Variants in SKAP1 observed in about 807,000 individuals in gnomAD.
SKAP1 encodes the protein src kinase-associated phosphoprotein 1.
In SKAP1, 44 loss-of-function variants were observed where a neutral mutation model predicts 58.5. That is an observed-to-expected ratio of 0.75 (90% CI 0.59 to 0.97). The LOEUF is 0.97. SKAP1 is among the 50% of genes least tolerant of loss of function. SKAP1 has a pLI of 0.00. For missense variants in SKAP1, 390 were observed against 435.2 expected, an observed-to-expected ratio of 0.90 and a Z score of 0.92; for synonymous variants, 127 against 149.7, an observed-to-expected ratio of 0.85 and a Z score of 1.11.
At chr17:48,410,848 A>G (rs1322655209) in intron 1 of SKAP1, among the ~76,000 whole-genome samples, 2 of 144,748 alleles carry the variant, frequency 1.4e-5, no homozygotes, top group Non-Finnish European at 3.0e-5. Context: ...AATCGCTTGA[A>G]CCCAGGAGGT....
intron 4 of SKAP1, among the ~76,000 whole-genome samples, chr17:48,265,972 G>C (rs905982320): frequency 6.6e-5 from 10 of 152,108 alleles, no homozygotes; most frequent in African/African-American, 1.9e-4. Flanking sequence ...AAAAATGACT[G>C]CTTGCTGTTT....
At chr17:48,367,046 C>T (rs773622926) in intron 2 of SKAP1, among the ~76,000 whole-genome samples, 2 of 152,156 alleles carry the variant, frequency 1.3e-5, no homozygotes, top group Non-Finnish European at 2.9e-5. Flanking sequence ...GTCTCCCTGT[C>T]CCATGATGCC....
intron 4 of SKAP1, among the ~76,000 whole-genome samples, chr17:48,199,290 T>C (rs1214286663): frequency 1.3e-5 from 2 of 152,176 alleles, no homozygotes; most frequent in Non-Finnish European, 2.9e-5. Flanking sequence ...CTCTCCAGCA[T>C]ACAAAGATTT....
intron 4 of SKAP1, among the ~76,000 whole-genome samples, chr17:48,265,501 AAAGCAAGCAAGC>A (rs201049578): frequency 3.4e-5 from 5 of 148,324 alleles, no homozygotes; most frequent in Admixed American, 6.7e-5. Context: ...AAAAAAAAAA[AAAGCAAGCAAGC>A]AAGCAAGCAA....
intron 4 of SKAP1, among the ~76,000 whole-genome samples, chr17:48,310,941 T>C (rs1324598371): frequency 6.6e-6 from 1 of 152,200 alleles, no homozygotes; most frequent in Non-Finnish European, 1.5e-5. Context: ...AATAACTGTG[T>C]TGCCATCTCA....
At chr17:48,321,220 C>T (rs1374935368) in intron 4 of SKAP1, among the ~76,000 whole-genome samples, 1 of 152,062 alleles carries the variant, frequency 6.6e-6, no homozygotes, top group Non-Finnish European at 1.5e-5. Context: ...TGGGCCAATT[C>T]CCTACCTCTC....
intron 4 of SKAP1, among the ~76,000 whole-genome samples, chr17:48,245,087 A>G (rs1157197041): frequency 6.6e-6 from 1 of 152,222 alleles, no homozygotes; most frequent in Non-Finnish European, 1.5e-5. Context: ...CCTGGGGAAC[A>G]GTTTTACACT....
intron 11 of SKAP1, among the ~76,000 whole-genome samples, chr17:48,148,316 C>G (rs1215907861): frequency 6.6e-6 from 1 of 152,082 alleles, no homozygotes; most frequent in East Asian, 1.9e-4. Flanking sequence ...AAGAAGCACA[C>G]AACTTTACCT....
chr17:48,370,426 C>A (rs1222224397), intron 2 of SKAP1, among the ~76,000 whole-genome samples: 1 of 152,134 alleles, frequency 6.6e-6, no homozygotes, highest in Admixed American at 6.5e-5. Flanking sequence ...CCCACCTCAG[C>A]CTCCCAGTAG....
intron 11 of SKAP1, among the ~76,000 whole-genome samples, chr17:48,161,402 G>T (rs573479297): frequency 1.3e-5 from 2 of 152,278 alleles, no homozygotes; most frequent in South Asian, 2.1e-4. Flanking sequence ...CATAGAGAGA[G>T]GACTTTTTAA....
chr17:48,211,355 A>G (rs776030279), intron 4 of SKAP1, among the ~76,000 whole-genome samples: 1 of 152,154 alleles, frequency 6.6e-6, no homozygotes, highest in Non-Finnish European at 1.5e-5. Flanking sequence ...GAATTTCTTA[A>G]TATCAAAATG....
chr17:48,231,902 C>T (rs1424576433), intron 4 of SKAP1: 4 of 152,122 alleles, frequency 2.6e-5, no homozygotes, highest in Non-Finnish European at 4.4e-5. Flanking sequence ...TCTCAAAATA[C>T]CTATGTAAAA....
At chr17:48,304,063 C>T (rs2066101664) in intron 4 of SKAP1, among the ~76,000 whole-genome samples, 1 of 152,094 alleles carries the variant, frequency 6.6e-6, no homozygotes, top group East Asian at 1.9e-4. Context: ...GTTTTAAATT[C>T]ACAATCAGCT....
intron 4 of SKAP1, among the ~76,000 whole-genome samples, chr17:48,267,180 ATGAACACTAGT>A (rs1357737849): frequency 6.6e-6 from 1 of 152,242 alleles, no homozygotes; most frequent in African/African-American, 2.4e-5. Flanking sequence ...CTTTTGAATT[ATGAACACTAGT>A]AAGCCTTTTT....
chr17:48,190,403 C>A (rs116944299), intron 4 of SKAP1, among the ~76,000 whole-genome samples: 21,237 of 152,090 alleles, frequency 0.14, 2,049 homozygotes, highest in Non-Finnish European at 0.2. Flanking sequence ...TGAGCCACTG[C>A]GCCCAGCCAA....
chr17:48,365,369 C>A (rs1476577843), intron 2 of SKAP1, among the ~76,000 whole-genome samples: 2 of 152,154 alleles, frequency 1.3e-5, no homozygotes, highest in African/African-American at 4.8e-5. Context: ...GATGGTTACC[C>A]AAGAAAGGCT....
intron 4 of SKAP1, among the ~76,000 whole-genome samples, chr17:48,246,355 C>T (rs2065296795): frequency 6.6e-6 from 1 of 152,188 alleles, no homozygotes; most frequent in Non-Finnish European, 1.5e-5. Flanking sequence ...TTCCTGAACA[C>T]ATTCTACATT....
chr17:48,408,751 T>C (rs1251560750), intron 1 of SKAP1, among the ~76,000 whole-genome samples: 1 of 152,142 alleles, frequency 6.6e-6, no homozygotes, highest in Non-Finnish European at 1.5e-5. Context: ...AAAACAGAAG[T>C]ATTCCCCAAT....
At chr17:48,395,164 G>A (rs2067400158) in intron 2 of SKAP1, among the ~76,000 whole-genome samples, 1 of 152,172 alleles carries the variant, frequency 6.6e-6, no homozygotes, top group African/African-American at 2.4e-5. Context: ...GTGTGTGCAT[G>A]TGTGTATGTA....
Sources: allele counts gnomAD v4.1 joint callset (sites outside exome capture counted in the v4.1 genomes callset), GRCh38; gene constraint gnomAD v4.1.1; transcripts MANE v1.5; gene names NCBI Gene and HGNC (gene_info 2026-07-23, HGNC 2026-07-21).